The following AGAP1 variants were observed in gnomAD, a reference collection of about 807,000 sequenced individuals.
AGAP1 encodes the protein arf-GAP with GTPase, ANK repeat and PH domain-containing protein 1.
A neutral mutation model predicts 105.3 loss-of-function variants in AGAP1; 29 were observed. That is an observed-to-expected ratio of 0.28 (90% CI 0.21 to 0.38). The LOEUF (loss-of-function observed/expected upper bound fraction) is 0.38. AGAP1 is among the 10% of genes least tolerant of loss of function. The pLI is 1.00. For missense variants in AGAP1, 998 were observed against 1,165.1 expected (o/e 0.86, Z 2.09); for synonymous variants, 509 against 485.9 (o/e 1.05, Z -0.63).
chr2:235,631,785 G>C lies in AGAP1; in HGVS notation c.164-77394G>C, dbSNP rs893705983. Among the ~76,000 whole-genome samples, 3 of 152,224 alleles carry C rather than the reference G, an allele frequency of 2.0e-5. No individual in the cohort carries two copies. Among genetic ancestry groups the C allele is most frequent in the Non-Finnish European group, 4.4e-5 (3 of 68,048 alleles). On this transcript the variant is annotated intron_variant, in intron 1 of 17. Transcript: ENST00000304032. The surrounding 1 kb of genome is among the most constrained non-coding windows in gnomAD (Gnocchi z 5.4). ...CAGGTGGCGGTGCTAATTAAGTTCC[G>C]GCTGTTGTGACGGTCTCCTCGGCTG...
chr2:235,868,394 T>C (rs556437344), intron 9 of AGAP1, among the ~76,000 whole-genome samples: 1 of 152,280 alleles, frequency 6.6e-6, no homozygotes, highest in South Asian at 2.1e-4. Context: ...CCCCGGTGTC[T>C]GTTAAAGCCG....
chr2:235,585,857 C>G (rs112013959), intron 1 of AGAP1, among the ~76,000 whole-genome samples: 2 of 152,128 alleles, frequency 1.3e-5, no homozygotes, highest in African/African-American at 4.8e-5. Context: ...AAGGCTGTCT[C>G]GTCCTTTCTG....
At chr2:235,896,064 T>C (rs1292210547) in intron 10 of AGAP1, among the ~76,000 whole-genome samples, 1 of 152,212 alleles carries the variant, frequency 6.6e-6, no homozygotes, top group East Asian at 1.9e-4. Flanking sequence ...CAGAACTTTT[T>C]CATCTTACAA....
Position 235,609,535 on chromosome 2 carries a change from C to G in AGAP1, c.164-99644C>G, listed in dbSNP as rs888328282. On this transcript the variant is annotated intron_variant, in intron 1 of 17. Transcript: ENST00000304032. This position sits in a 1 kb window ranked among gnomAD's most constrained non-coding sequence, Gnocchi z 5.1. ...TGGGCGTGCTGTGGTTATAGGCAGC[C>G]TACATGTCTTGAGTTTTCAGTAGAG... 3.9e-5 allele frequency among the ~76,000 whole-genome samples: 6 copies of G among 152,048 alleles called. No homozygotes were observed. Among genetic ancestry groups the G allele is most frequent in the Admixed American group, 2.6e-4 (4 of 15,250 alleles).
intron 1 of AGAP1, among the ~76,000 whole-genome samples, chr2:235,697,598 T>C (rs1039970948): frequency 1.3e-5 from 2 of 152,168 alleles, no homozygotes; most frequent in Admixed American, 1.3e-4. Flanking sequence ...CCAACCAATT[T>C]CTTAGTCTGC....
At position 236,002,474 on chromosome 2, in the gene AGAP1, T is replaced by G. The variant is rs1030237396; in HGVS notation, c.1645+33851T>G. ...GTGTGTTTTCATAAGCGAATCCTGA[T>G]TTTCTGACAAAAGAGACATGAAACA... On this transcript the variant is annotated intron_variant, in intron 13 of 17. Transcript: ENST00000304032. The surrounding 1 kb of genome is among the most constrained non-coding windows in gnomAD (Gnocchi z 4.3). 3.3e-5 allele frequency among the ~76,000 whole-genome samples: 5 copies of G among 152,200 alleles called. No individual in the cohort carries two copies. The highest frequency in any genetic ancestry group is 2.6e-4 in the Admixed American group (4 of 15,284).
chr2:235,850,283 T>C (rs1387190224), intron 9 of AGAP1, among the ~76,000 whole-genome samples: 1 of 152,236 alleles, frequency 6.6e-6, no homozygotes, highest in Non-Finnish European at 1.5e-5. Flanking sequence ...TGGTCTGTTA[T>C]ATCTAAATGC....
intron 16 of AGAP1, among the ~76,000 whole-genome samples, chr2:236,085,073 G>A (rs572008174): frequency 3.5e-4 from 52 of 147,004 alleles, no homozygotes; most frequent in Non-Finnish European, 6.6e-4. Flanking sequence ...AAAATTAGCC[G>A]GGTGTGGTGG....
rs78962961 is a variant in AGAP1, at chr2:236,013,447, A to G, written c.1646-23114A>G. 9.1e-3 allele frequency among the ~76,000 whole-genome samples: 1,392 copies of G among 152,224 alleles called. 17 individuals carry two copies. The highest frequency in any genetic ancestry group is 0.031 in the African/African-American group (1,286 of 41,524). On this transcript the variant is annotated intron_variant, in intron 13 of 17. Transcript: ENST00000304032. ...CTCAAACACTACAGCAGGCAAGAAG[A>G]GTTAACCTGTCGTAAGTCAGGAACA...
intron 13 of AGAP1, among the ~76,000 whole-genome samples, chr2:236,019,532 G>A (rs985740194): frequency 2.6e-5 from 4 of 152,220 alleles, no homozygotes; most frequent in Admixed American, 2.0e-4. Flanking sequence ...TTTCCTCCTT[G>A]TTTTATAAAA....
intron 16 of AGAP1, among the ~76,000 whole-genome samples, chr2:236,070,811 C>T (rs1474555337): frequency 1.3e-5 from 2 of 152,098 alleles, no homozygotes; most frequent in African/African-American, 4.8e-5. Context: ...GCAGTGCTTG[C>T]TCATGGGAGT....
chr2:235,562,174 ATTCC>A (rs1350278790), intron 1 of AGAP1, among the ~76,000 whole-genome samples: 1 of 152,200 alleles, frequency 6.6e-6, no homozygotes, highest in African/African-American at 2.4e-5. Context: ...ATTTAAAGTG[ATTCC>A]TTGATTCCTC....
intron 16 of AGAP1, among the ~76,000 whole-genome samples, chr2:236,068,797 CAAAAAA>C (rs35724496): frequency 1.7e-5 from 1 of 57,602 alleles, no homozygotes; most frequent in Non-Finnish European, 3.4e-5. Flanking sequence ...GACTCCGTCT[CAAAAAA>C]AAAAAAAAAA....
Position 235,830,289 on chromosome 2 carries a change from C to T in AGAP1, c.1050+22958C>T, listed in dbSNP as rs767649877. Among the ~76,000 whole-genome samples, 7 of 152,228 alleles carry T rather than the reference C, an allele frequency of 4.6e-5. No individual in the cohort carries two copies. The highest frequency in any genetic ancestry group is 3.4e-3 in the Middle Eastern group (1 of 294). On this transcript the variant is annotated intron_variant, in intron 9 of 17. Transcript: ENST00000304032. This position sits in a 1 kb window ranked among gnomAD's most constrained non-coding sequence, Gnocchi z 5.5. ...GGAGGATTGGTTTACTTAGTAAATT[C>T]GTTGTATTTTAAAAGTCAGATGGAA... is the stretch of plus-strand genomic sequence containing the variant.
intron 7 of AGAP1, among the ~76,000 whole-genome samples, chr2:235,798,763 G>A (rs963018471): frequency 6.6e-6 from 1 of 151,682 alleles, no homozygotes; most frequent in African/African-American, 2.4e-5. Flanking sequence ...TTGTGCCTTG[G>A]GAGGCTGAGG....
intron 8 of AGAP1, among the ~76,000 whole-genome samples, chr2:235,800,833 G>A (rs889746731): frequency 1.3e-5 from 2 of 152,122 alleles, no homozygotes; most frequent in Admixed American, 1.3e-4. Flanking sequence ...CTCACAGCAG[G>A]GAATTATCCA....
In AGAP1 at chr2:235,771,664, G is replaced by A. The variant is rs541336708; in HGVS notation, c.673+21176G>A. 3.8e-4 allele frequency among the ~76,000 whole-genome samples: 58 copies of A among 152,298 alleles called. 2 individuals are homozygous for A. Among genetic ancestry groups the A allele is most frequent in the Middle Eastern group, 6.8e-3 (2 of 294 alleles). On this transcript the variant is annotated intron_variant, in intron 6 of 17. Transcript: ENST00000304032. ...GAGGAGAGGCTGTGTGACTCCGGCC[G>A]TTGTGGTGGGTGCTCATCTGCGTCA... is the stretch of plus-strand genomic sequence containing the variant.
chr2:236,128,332 A>AGTG lies in AGAP1; in HGVS notation c.*4211_*4212insTGG, dbSNP rs2060035397. 6.6e-6 allele frequency: 1 copy of AGTG among 152,460 alleles called. No individual in the cohort carries two copies. Among genetic ancestry groups the AGTG allele is most frequent in the Admixed American group, 6.5e-5 (1 of 15,274 alleles). 9.4% of individuals were successfully genotyped at this position (152,460 alleles called of 1,614,324 possible). On this transcript the variant is annotated 3_prime_UTR_variant, in exon 18 of 18. Transcript: ENST00000304032. This position sits in a 1 kb window ranked among gnomAD's most constrained non-coding sequence, Gnocchi z 5.9. ...AAGACGACCCTTCCCTCTCCCCCAC[A>AGTG]GCCTGTTGAGGTGCCGTTGACGTGG...
chr2:236,065,005 A>AT (rs2058307364), intron 16 of AGAP1, among the ~76,000 whole-genome samples: 3 of 152,192 alleles, frequency 2.0e-5, no homozygotes, highest in Admixed American at 6.5e-5. Context: ...TATATGACTG[A>AT]TAAAAAAAGG....
Sources: gnomAD v4.1 joint callset for allele counts (sites outside exome capture counted in the v4.1 genomes callset) on GRCh38, gnomAD v4.1.1 for gene constraint, Gnocchi (gnomAD v3.1) non-coding constraint, MANE v1.5 for transcripts, NCBI Gene and HGNC (gene_info 2026-07-23, HGNC 2026-07-21) for gene names.